Variants in PHLPP1 observed in about 807,000 individuals in gnomAD.
The protein encoded by PHLPP1 is PH domain leucine-rich repeat-containing protein phosphatase 1.
Under a neutral mutation model 117.2 loss-of-function variants are expected in PHLPP1, and 42 were observed. The observed-to-expected ratio is 0.36, with a 90% CI of 0.28 to 0.46. The LOEUF (loss-of-function observed/expected upper bound fraction) is 0.46. Among genes scored for constraint, PHLPP1 ranks in the 20% least tolerant of loss-of-function variants. The pLI, the probability that PHLPP1 is intolerant of heterozygous loss-of-function variation, is 1.00. For missense variants in PHLPP1, 2,084 were observed against 2,241.9 expected (o/e 0.93, Z 1.42); for synonymous variants, 1,042 against 970.7 (o/e 1.07, Z -1.37).
intron 12 of PHLPP1, among the ~76,000 whole-genome samples, chr18:62,948,029 A>AAAAT (rs932568298): frequency 1.3e-5 from 2 of 152,072 alleles, no homozygotes; most frequent in African/African-American, 4.8e-5. Context: ...CCATCTCAAA[A>AAAAT]AAATAAATAA....
At chr18:62,817,878 C>T (rs1273784102) in intron 1 of PHLPP1, among the ~76,000 whole-genome samples, 10 of 111,826 alleles carry the variant, frequency 8.9e-5, no homozygotes, top group African/African-American at 3.2e-4. Context: ...TTTTTTGAGA[C>T]GGAATCTTAT....
chr18:62,951,952 C>A (rs1451284704), intron 12 of PHLPP1, among the ~76,000 whole-genome samples: 1 of 151,466 alleles, frequency 6.6e-6, no homozygotes, highest in Non-Finnish European at 1.5e-5. Flanking sequence ...GTAGCTGGGA[C>A]TACAGGTGCC....
At chr18:62,828,008 TTGTGTGTGTGTG>T (rs34088259) in intron 1 of PHLPP1, among the ~76,000 whole-genome samples, 7 of 146,666 alleles carry the variant, frequency 4.8e-5, no homozygotes, top group African/African-American at 1.0e-4. Context: ...TTCTTTGCAT[TTGTGTGTGTGTG>T]TGTGTGTGTG....
At chr18:62,755,336 A>G (rs1372886532) in intron 1 of PHLPP1, among the ~76,000 whole-genome samples, 1 of 152,128 alleles carries the variant, frequency 6.6e-6, no homozygotes, top group Non-Finnish European at 1.5e-5. Flanking sequence ...CAGTTTTCTC[A>G]ATAAGTAACT....
At position 62,787,334 on chromosome 18, in the gene PHLPP1, A is replaced by AT. The variant is rs565038899; in HGVS notation, c.1577-42696dup. ...GGCACGTGCCGCTACTGCCTGGCTA[A>AT]TTTTTGTATTTTTAATAGAGACGGG... On this transcript the variant is annotated intron_variant, in intron 1 of 16. Coordinates refer to ENST00000262719, the MANE Select transcript of PHLPP1 (RefSeq NM_194449.4). 4.4e-3 allele frequency among the ~76,000 whole-genome samples: 676 copies of AT among 152,044 alleles called. 1 individual carries two copies. Among genetic ancestry groups the AT allele is most frequent in the Middle Eastern group, 0.01 (3 of 294 alleles).
chr18:62,925,665 A>G (rs1303573960), intron 10 of PHLPP1, among the ~76,000 whole-genome samples: 1 of 150,314 alleles, frequency 6.7e-6, no homozygotes, highest in Non-Finnish European at 1.5e-5. Context: ...TATTTTTTTC[A>G]GTGACGAGGG....
At chr18:62,829,960 A>G (rs1055170420) in intron 1 of PHLPP1, 75 bp from the exon 2 acceptor site, 32 of 1,005,084 alleles carry the variant, frequency 3.2e-5, no homozygotes, top group Non-Finnish European at 4.5e-5. Flanking sequence ...TGTCCAATTC[A>G]TATATCTGCT....
chr18:62,849,140 T>C (rs1345406369), intron 3 of PHLPP1, among the ~76,000 whole-genome samples: 1 of 152,206 alleles, frequency 6.6e-6, no homozygotes, highest in East Asian at 1.9e-4. Flanking sequence ...TCTTAAATGA[T>C]GACCAAGAGT....
chr18:62,756,291 G>A lies in PHLPP1; in HGVS notation c.1576+39032G>A, dbSNP rs150352196. Among the ~76,000 whole-genome samples the A allele has an allele frequency of 3.3e-4, 51 of 152,298 alleles. No individual in the cohort carries two copies. The East Asian group carries it at 8.9e-3, about 27-fold the overall frequency. ...GAAAAGAAAGTTCTAGAGGGCTTCAGCTCACTTGGCAGAAGTGGCATGGCC... is the reference window on the plus strand; with the variant it reads ...GAAAAGAAAGTTCTAGAGGGCTTCAACTCACTTGGCAGAAGTGGCATGGCC... On this transcript the variant is annotated intron_variant, in intron 1 of 16. Transcript: ENST00000262719.
intron 4 of PHLPP1, among the ~76,000 whole-genome samples, chr18:62,876,323 C>T (rs1359857574): frequency 6.6e-6 from 1 of 152,194 alleles, no homozygotes; most frequent in Non-Finnish European, 1.5e-5. Flanking sequence ...CCTTTGACCA[C>T]CTGCCGAACC....
At chr18:62,849,832 A>ATATATATATATATATATAT (rs747097979) in intron 3 of PHLPP1, among the ~76,000 whole-genome samples, 3 of 33,098 alleles carry the variant, frequency 9.1e-5, no homozygotes, top group Non-Finnish European at 1.6e-4. Context: ...AAAAAAAAAA[A>ATATATATATATATATATAT]ATATATATAT....
At chr18:62,960,452 A>G (rs764147947) in intron 13 of PHLPP1, among the ~76,000 whole-genome samples, 1 of 152,202 alleles carries the variant, frequency 6.6e-6, no homozygotes, top group African/African-American at 2.4e-5. Context: ...TTCCTATTTC[A>G]GAAACTCTCA....
At chr18:62,738,196 T>C (rs1226359807) in intron 1 of PHLPP1, among the ~76,000 whole-genome samples, 1 of 151,904 alleles carries the variant, frequency 6.6e-6, no homozygotes, top group Non-Finnish European at 1.5e-5. Context: ...TACCATTTTT[T>C]TTTTCTTAAA....
intron 14 of PHLPP1, among the ~76,000 whole-genome samples, chr18:62,967,638 A>G (rs922670329): frequency 6.6e-6 from 1 of 151,978 alleles, no homozygotes; most frequent in Non-Finnish European, 1.5e-5. Flanking sequence ...TTATAATGAA[A>G]TCTTAGTTTT....
chr18:62,934,580 AT>A (rs1909913528), intron 10 of PHLPP1, among the ~76,000 whole-genome samples: 1 of 152,194 alleles, frequency 6.6e-6, no homozygotes, highest in Non-Finnish European at 1.5e-5. Flanking sequence ...GAGATAAGGG[AT>A]ATACGGTTTG....
intron 4 of PHLPP1, among the ~76,000 whole-genome samples, chr18:62,890,231 T>C (rs1018983345): frequency 1.3e-4 from 20 of 152,132 alleles, no homozygotes; most frequent in Non-Finnish European, 2.9e-5. Context: ...AGAGGTTTTT[T>C]TTCTCTCTTC....
At chr18:62,898,060 TGG>T (rs1916614773) in intron 6 of PHLPP1, among the ~76,000 whole-genome samples, 2 of 152,046 alleles carry the variant, frequency 1.3e-5, no homozygotes, top group South Asian at 2.1e-4. Context: ...TGTTACTTCT[TGG>T]TCAGTTCTCT....
chr18:62,809,194 C>T (rs572417035), intron 1 of PHLPP1, among the ~76,000 whole-genome samples: 2 of 152,278 alleles, frequency 1.3e-5, no homozygotes, highest in Admixed American at 1.3e-4. Flanking sequence ...ACTGAATGTT[C>T]TATTCTTTCC....
intron 10 of PHLPP1, among the ~76,000 whole-genome samples, chr18:62,937,892 A>C (rs1910022489): frequency 1.3e-5 from 2 of 152,096 alleles, no homozygotes; most frequent in African/African-American, 2.4e-5. Flanking sequence ...CATGCCTGTA[A>C]TCCCAGCTAC....
Sources: gnomAD v4.1 joint callset for allele counts (sites outside exome capture counted in the v4.1 genomes callset) on GRCh38, gnomAD v4.1.1 for gene constraint, MANE v1.5 for transcripts, NCBI Gene and HGNC (gene_info 2026-07-23, HGNC 2026-07-21) for gene names.